Variants in DDX54 observed in about 807,000 individuals in gnomAD.
DDX54 encodes DEAD-box helicase 54, also known as ATP-dependent RNA helicase DDX54.
Under a neutral mutation model 105.5 loss-of-function variants are expected in DDX54, and 67 were observed. The observed-to-expected ratio is 0.64, with a 90% CI of 0.52 to 0.78. The LOEUF (loss-of-function observed/expected upper bound fraction) is 0.78. DDX54 is among the 30% of genes least tolerant of loss of function. The pLI, the probability that DDX54 is intolerant of heterozygous loss-of-function variation, is 0.00. For missense variants in DDX54, 1,206 were observed against 1,230.5 expected, an observed-to-expected ratio of 0.98 and a Z score of 0.30; for synonymous variants, 514 against 509.9, an observed-to-expected ratio of 1.01 and a Z score of -0.11.
At position 113,185,182 on chromosome 12, in the gene DDX54, C is replaced by A; in HGVS notation, c.174+96G>T. ...CGGCAGCCTCCCTCCCCACACTCTG[C>A]GGAGCCCAATCCCCAGCTGGGGAAA... On this transcript the variant is annotated intron_variant, in intron 1 of 19. Coordinates refer to ENST00000306014, the MANE Select transcript of DDX54 (RefSeq NM_024072.4). 4 of 1,390,356 alleles carry A rather than the reference C, an allele frequency of 2.9e-6. No homozygotes were observed. The South Asian group carries it at 6.2e-5, about 22-fold the overall frequency. The allele number at this position is 1,390,356 out of a possible 1,614,324, so 86.1% of individuals were successfully genotyped here.
At chr12:113,167,290 T>C (rs1190421829) in intron 12 of DDX54, among the ~76,000 whole-genome samples, 1 of 152,056 alleles carries the variant, frequency 6.6e-6, no homozygotes, top group Non-Finnish European at 1.5e-5. Flanking sequence ...GGTGGAAGGA[T>C]TGCTTGAGCC....
chr12:113,179,827 G>A (rs58080793), intron 3 of DDX54, 108 bp downstream of exon 3: 3 of 1,306,402 alleles, frequency 2.3e-6, no homozygotes, highest in East Asian at 2.3e-5. Context: ...CAGAGTAAAG[G>A]GGGCAGGAGA....
In DDX54 at chr12:113,163,098, A is replaced by G. The variant is rs61941434; in HGVS notation, c.2081+34T>C. ...TGGATTGATGGGACCCAGCGGACCC[A>G]ACTGCCCCACCCAGGACCCAGCCAG... is the stretch of plus-strand genomic sequence containing the variant. On this transcript the variant is annotated intron_variant, in intron 16 of 19. Transcript: ENST00000306014. This position sits in a 1 kb window ranked among gnomAD's most constrained non-coding sequence, Gnocchi z 5.9. The G allele has an allele frequency of 0.08, 128,847 of 1,611,050 alleles. 6,161 individuals are homozygous for G. The highest frequency in any genetic ancestry group is 0.23 in the East Asian group (10,151 of 44,852).
intron 10 of DDX54, among the ~76,000 whole-genome samples, chr12:113,173,371 T>C (rs1952360567): frequency 1.3e-5 from 2 of 152,112 alleles, no homozygotes; most frequent in Non-Finnish European, 2.9e-5. Context: ...AACAACTGTT[T>C]AAAAATTACT....
At chr12:113,183,023 A>T (rs780814938) in intron 1 of DDX54, among the ~76,000 whole-genome samples, 6 of 151,142 alleles carry the variant, frequency 4.0e-5, no homozygotes, top group Non-Finnish European at 7.4e-5. Flanking sequence ...ATGCCTGGCT[A>T]ATTTTTGTAT....
rs370291682 is a variant in DDX54 at position 113,169,795 on chromosome 12, G to A, written c.1389C>T (p.Leu463=). The stretch of plus-strand genomic sequence containing the variant: ...CTGAGGGCTCCTTGAGGGGTCGGGC[G>A]AGGGTGAGGGAGCGGCCCAGGAACA... ...LHLFLGRSLT[L]ARPLKEPSGV... The change falls in exon 12 of 20, where the codon CTC becomes CTT. Residue 463 remains leucine (L), a synonymous_variant. Coordinates refer to ENST00000306014, the MANE Select transcript of DDX54 (RefSeq NM_024072.4). 26 of 1,614,006 alleles carry A rather than the reference G, an allele frequency of 1.6e-5. No individual in the cohort carries two copies. In the East Asian group the frequency reaches 2.7e-4, roughly 17 times the overall value.
intron 7 of DDX54, among the ~76,000 whole-genome samples, chr12:113,176,055 T>G (rs1459104492): frequency 6.7e-6 from 1 of 149,350 alleles, no homozygotes; most frequent in Non-Finnish European, 1.5e-5. Flanking sequence ...GGGTTCCAAG[T>G]ACTTTACAAG....
chr12:113,173,191 T>A (rs891758721), intron 10 of DDX54, among the ~76,000 whole-genome samples: 24 of 151,896 alleles, frequency 1.6e-4, no homozygotes, highest in Admixed American at 9.8e-4. Context: ...AAAATTAAAA[T>A]AAATAAAAAA....
At position 113,157,804 on chromosome 12, in the gene DDX54, G is replaced by A. The variant is rs1033816348; in HGVS notation, c.*1073C>T. ...AATCCGTTTCCTCATTGGGAAGATG[G>A]GAGGGCTGTGCCTGTTCAGAGTGCT... On this transcript the variant is annotated 3_prime_UTR_variant, in exon 20 of 20. Coordinates refer to ENST00000306014, the MANE Select transcript of DDX54 (RefSeq NM_024072.4). The A allele has an allele frequency of 1.2e-6, 1 of 801,452 alleles. No individual in the cohort carries two copies. The highest frequency in any genetic ancestry group is 2.1e-5 in the Admixed American group (1 of 47,694). The allele number at this position is 801,452 out of a possible 1,614,324, so 49.6% of individuals were successfully genotyped here. A position where few individuals can be genotyped will look rare whatever the true frequency, so the allele number is the denominator to read the frequency against.
intron 12 of DDX54, chr12:113,168,021 C>T: frequency 2.1e-6 from 1 of 473,806 alleles, no homozygotes; most frequent in Non-Finnish European, 4.2e-6. Flanking sequence ...TTAGGCGCCC[C>T]TTCCAATTCA....
chr12:113,163,706 C>G lies in DDX54; in HGVS notation c.1938+361G>C, dbSNP rs1952238297. 6.6e-6 allele frequency among the ~76,000 whole-genome samples: 1 copy of G among 152,112 alleles called. No homozygotes were observed. Among genetic ancestry groups the G allele is most frequent in the Non-Finnish European group, 1.5e-5 (1 of 67,992 alleles). ...AAACAAAACATGAGAGAGGGACATCCTGGGGGACGCACAGGCCCAGGACCC... is the reference window on the plus strand; with the variant it reads ...AAACAAAACATGAGAGAGGGACATCGTGGGGGACGCACAGGCCCAGGACCC... On this transcript the variant is annotated intron_variant, in intron 15 of 19. Transcript: ENST00000306014. The surrounding 1 kb of genome is among the most constrained non-coding windows in gnomAD (Gnocchi z 5.9).
At chr12:113,159,422 A>C (rs1345506808) in intron 19 of DDX54, 2 of 433,624 alleles carry the variant, frequency 4.6e-6, no homozygotes, top group Non-Finnish European at 8.1e-6. Context: ...TCATGGGTGA[A>C]GAGTAAATGC....
chr12:113,164,651 T>C (rs987967016), intron 14 of DDX54, among the ~76,000 whole-genome samples: 5 of 146,102 alleles, frequency 3.4e-5, no homozygotes, highest in African/African-American at 7.7e-5. Context: ...AAGGCAGAGG[T>C]TGCAGTGAGC....
At chr12:113,180,774 T>C (rs1197495027) in intron 2 of DDX54, among the ~76,000 whole-genome samples, 155 bp downstream of exon 2, 1 of 152,180 alleles carries the variant, frequency 6.6e-6, no homozygotes, top group Non-Finnish European at 1.5e-5. Context: ...GCTGCCCCAC[T>C]AGAAGGCCCT....
chr12:113,175,076 G>T lies in DDX54; in HGVS notation c.834C>A (p.Ser278=). Residue 278 remains serine (S), a synonymous_variant, in exon 8 of 20, where the codon TCC becomes TCA. Coordinates refer to ENST00000306014, the MANE Select transcript of DDX54 (RefSeq NM_024072.4). ...LPGGHQTVLF[S]ATLPKLLVEF... ...CCACCAGCAGTTTGGGCAGCGTGGC[G>T]GAGAACAGCACCGTCTGGTGGCCCC... The T allele has an allele frequency of 6.2e-7, 1 of 1,613,984 alleles. No individual in the cohort carries two copies.
chr12:113,179,401 G>A, intron 3 of DDX54, 70 bp from the exon 4 acceptor site: 1 of 1,533,708 alleles, frequency 6.5e-7, no homozygotes, highest in Non-Finnish European at 8.8e-7. Flanking sequence ...GAGCTTCAAG[G>A]CCCTGAGGAG....
Position 113,169,870 on chromosome 12 carries a change from G to T in DDX54, c.1314C>A (p.Ala438=). 1 of 1,613,942 alleles carries T rather than the reference G, an allele frequency of 6.2e-7. No individual in the cohort carries two copies. The highest frequency in any genetic ancestry group is 8.5e-7 in the Non-Finnish European group (1 of 1,180,022). ...TTTCATCAGGGGCCACCAAGGAGTA[G>T]GCTGTGCCACTTCGGCCAGCCCGAG... ...RVARAGRSGT[A]YSLVAPDEIP... The change falls in exon 12 of 20, where the codon GCC becomes GCA. Residue 438 remains alanine (A), a synonymous_variant. Coordinates refer to ENST00000306014, the MANE Select transcript of DDX54 (RefSeq NM_024072.4).
chr12:113,172,654 G>A (rs1361782949), intron 10 of DDX54, 91 bp from the exon 11 acceptor site: 16 of 1,482,498 alleles, frequency 1.1e-5, no homozygotes, highest in African/African-American at 2.8e-5. Flanking sequence ...GGGCACTGAG[G>A]TGCAGAGACA....
At chr12:113,162,898 C>T (rs372973666) in intron 17 of DDX54, 34 bp downstream of exon 17, 112 of 1,543,388 alleles carry the variant, frequency 7.3e-5, no homozygotes, top group Non-Finnish European at 8.7e-5. Flanking sequence ...TCACTCACCC[C>T]GAGCATGGAG....
Sources: allele counts gnomAD v4.1 joint callset (sites outside exome capture counted in the v4.1 genomes callset), GRCh38; gene constraint gnomAD v4.1.1; non-coding constraint Gnocchi (gnomAD v3.1); transcripts MANE v1.5; gene names NCBI Gene and HGNC (gene_info 2026-07-23, HGNC 2026-07-21).